MINK1: variants seen among roughly 807,000 people sequenced by gnomAD.
MINK1 encodes the protein misshapen like kinase 1.
Under a neutral mutation model 178.4 loss-of-function variants are expected in MINK1, and 46 were observed. The ratio of observed to expected loss-of-function variants is 0.26; its 90% CI spans 0.20 to 0.33. The LOEUF is 0.33. Ranked by LOEUF, MINK1 falls within the 10% of genes least tolerant of loss-of-function variation. The pLI is 1.00. For missense variants in MINK1, 1,366 were observed against 1,814.9 expected, an observed-to-expected ratio of 0.75 and a Z score of 4.49; for synonymous variants, 797 against 709.7, an observed-to-expected ratio of 1.12 and a Z score of -1.96.
intron 20 of MINK1, 160 bp downstream of exon 20, chr17:4,893,227 C>G: frequency 6.6e-7 from 1 of 1,524,612 alleles, no homozygotes; most frequent in Non-Finnish European, 8.8e-7. Flanking sequence ...CCTAACCTCT[C>G]TCCTAACCTC....
At chr17:4,866,294 C>T (rs556941046) in intron 1 of MINK1, among the ~76,000 whole-genome samples, 14 of 151,828 alleles carry the variant, frequency 9.2e-5, no homozygotes, top group East Asian at 3.9e-4. Flanking sequence ...GGTGAAACCC[C>T]GTCTCTACTA....
At chr17:4,857,196 A>G (rs1913294361) in intron 1 of MINK1, 1 of 316,454 alleles carries the variant, frequency 3.2e-6, no homozygotes. Flanking sequence ...GATACCAGCC[A>G]TGACCACTGG....
rs1007804507 is a variant in MINK1, at chr17:4,896,147, C to T, written c.3465+44C>T. 33 of 1,605,790 alleles carry T rather than the reference C, an allele frequency of 2.1e-5. No homozygotes were observed. Among genetic ancestry groups the T allele is most frequent in the Non-Finnish European group, 2.7e-5 (32 of 1,175,860 alleles). The stretch of plus-strand genomic sequence containing the variant: ...CCTAACACCATCTGGAGTCCCAGCG[C>T]CTCTCCCCGTGCCCCTGAGCCCTCC... On this transcript the variant is annotated intron_variant, in intron 28 of 31. Coordinates refer to ENST00000355280, the MANE Select transcript of MINK1 (RefSeq NM_153827.5). The surrounding 1 kb of genome is among the most constrained non-coding windows in gnomAD (Gnocchi z 4.6).
In MINK1 at chr17:4,881,015, C is replaced by A; in HGVS notation, c.155C>A (p.Ala52Asp). Residue 52 changes from alanine to aspartate, a missense_variant, in exon 3 of 32, where the codon GCC becomes GAC. Transcript: ENST00000355280. ...CATGTCAAGACGGGGCAGCTGGCTGCCATCAAGGTCATGGATGTCACGGAG... is the reference window on the plus strand; with the variant it reads ...CATGTCAAGACGGGGCAGCTGGCTGACATCAAGGTCATGGATGTCACGGAG... ...GRHVKTGQLA[A>D]IKVMDVTEDE... 1 of 1,528,294 alleles carries A rather than the reference C, an allele frequency of 6.5e-7. No individual in the cohort carries two copies. Among genetic ancestry groups the A allele is most frequent in the South Asian group, 1.2e-5 (1 of 82,430 alleles). The allele number at this position is 1,528,294 out of a possible 1,614,324, so 94.7% of individuals were successfully genotyped here.
chr17:4,893,588 C>T lies in MINK1; in HGVS notation c.2555C>T (p.Pro852Leu). ...GGPAEGSRDT[P>L]GGRSDGDTDS... is the part of the protein sequence containing the mutation. Reference sequence around the variant, plus strand: ...CCAGCAGAGGGGAGCAGAGATACCCCTGGGGGCCGGTACGGCATCGGGAGT... The same window carrying T: ...CCAGCAGAGGGGAGCAGAGATACCCTTGGGGGCCGGTACGGCATCGGGAGT... Residue 852 changes from proline to leucine, a missense_variant, in exon 21 of 32, where the codon CCT becomes CTT. By Grantham distance (98) the Pro-to-Leu change is moderately conservative. Coordinates refer to ENST00000355280, the MANE Select transcript of MINK1 (RefSeq NM_153827.5). 2 of 1,541,898 alleles carry T rather than the reference C, an allele frequency of 1.3e-6. No homozygotes were observed. Among genetic ancestry groups the T allele is most frequent in the Non-Finnish European group, 1.8e-6 (2 of 1,141,006 alleles).
chr17:4,849,565 C>T lies in MINK1; in HGVS notation c.57+15925C>T, dbSNP rs866687532. 3.9e-5 allele frequency among the ~76,000 whole-genome samples: 6 copies of T among 152,090 alleles called. No homozygotes were observed. The South Asian group carries it at 1.2e-3, about 32-fold the overall frequency. Reference sequence around the variant, plus strand: ...GCTAACTCTTGCCTGTCCCTGTGGTCTCAGCGTGTTTTGTTTGTTTGTTTG... The same window carrying T: ...GCTAACTCTTGCCTGTCCCTGTGGTTTCAGCGTGTTTTGTTTGTTTGTTTG... On this transcript the variant is annotated intron_variant, in intron 1 of 31. Coordinates refer to ENST00000355280, the MANE Select transcript of MINK1 (RefSeq NM_153827.5).
intron 1 of MINK1, among the ~76,000 whole-genome samples, chr17:4,866,142 T>G (rs1443407304): frequency 6.6e-6 from 1 of 152,178 alleles, no homozygotes; most frequent in Admixed American, 6.5e-5. Context: ...GGCAGCCTCA[T>G]GGAGTGTGGA....
At chr17:4,856,380 C>T (rs1386895207) in intron 1 of MINK1, among the ~76,000 whole-genome samples, 2 of 151,996 alleles carry the variant, frequency 1.3e-5, no homozygotes, top group Non-Finnish European at 2.9e-5. Flanking sequence ...CTGCCACTTC[C>T]CTGTCTCCAG....
chr17:4,835,970 G>A (rs1026796556), intron 1 of MINK1, among the ~76,000 whole-genome samples: 12 of 152,084 alleles, frequency 7.9e-5, no homozygotes, highest in African/African-American at 2.9e-4. Flanking sequence ...ACCCTAAAAT[G>A]CAAGGGCTTG....
Position 4,890,504 on chromosome 17 carries a change from C to A in MINK1, c.1348-13C>A. The stretch of plus-strand genomic sequence containing the variant: ...CACCCTGCTGAGCCCTCTCTCCCTA[C>A]CCTTGGGCCCAGGAATACAAGCGGA... On this transcript the variant is annotated splice_polypyrimidine_tract_variant and intron_variant, in intron 13 of 31. Coordinates refer to ENST00000355280, the MANE Select transcript of MINK1 (RefSeq NM_153827.5). The A allele has an allele frequency of 6.3e-7, 1 of 1,579,306 alleles. No homozygotes were observed. Among genetic ancestry groups the A allele is most frequent in the Non-Finnish European group, 8.6e-7 (1 of 1,163,306 alleles).
chr17:4,893,675 C>G (rs1969115067), intron 21 of MINK1, 78 bp downstream of exon 21: 2 of 1,463,954 alleles, frequency 1.4e-6, no homozygotes, highest in Non-Finnish European at 1.8e-6. Context: ...AGAGGTGGGG[C>G]TTTGGGGCAA....
At chr17:4,847,688 AGGT>A (rs1388309530) in intron 1 of MINK1, among the ~76,000 whole-genome samples, 1 of 152,174 alleles carries the variant, frequency 6.6e-6, no homozygotes. Flanking sequence ...TGCATGTATG[AGGT>A]GGTGACTGTG....
intron 1 of MINK1, among the ~76,000 whole-genome samples, chr17:4,855,458 C>CCTG (rs1912906166): frequency 7.4e-6 from 1 of 135,282 alleles, no homozygotes; most frequent in Non-Finnish European, 1.5e-5. Flanking sequence ...TGCACTCCAG[C>CCTG]CTGGGCGACA....
At chr17:4,867,021 CG>C (rs1203424851) in intron 1 of MINK1, among the ~76,000 whole-genome samples, 2 of 149,092 alleles carry the variant, frequency 1.3e-5, no homozygotes, top group Non-Finnish European at 3.0e-5. Flanking sequence ...TGTAGTGAAC[CG>C]GGACCGTGCC....
chr17:4,841,326 G>A (rs1044229191), intron 1 of MINK1, among the ~76,000 whole-genome samples: 4 of 152,126 alleles, frequency 2.6e-5, no homozygotes, highest in Admixed American at 1.3e-4. Context: ...TTCTCACACC[G>A]TCTTGTTCCA....
intron 4 of MINK1, among the ~76,000 whole-genome samples, chr17:4,883,479 C>T (rs1967907599): frequency 1.3e-5 from 2 of 151,810 alleles, no homozygotes; most frequent in Admixed American, 1.3e-4. Context: ...GCTAGGATTA[C>T]AGGCATGAGC....
In MINK1 at chr17:4,887,630, G is replaced by A. The variant is rs1195658619; in HGVS notation, c.1070G>A (p.Arg357Gln). The A allele has an allele frequency of 1.3e-6, 2 of 1,566,964 alleles. No homozygotes were observed. The highest frequency in any genetic ancestry group is 1.7e-6 in the Non-Finnish European group (2 of 1,158,468). Residue 357 changes from arginine to glutamine, a missense_variant, in exon 12 of 32, where the codon CGG (arginine) becomes CAG (glutamine). Transcript: ENST00000355280. This position sits in a 1 kb window ranked among gnomAD's most constrained non-coding sequence, Gnocchi z 7.6. ...GESTLRREFLRLQQENKSNSE... is the reference protein window; with the variant it reads ...GESTLRREFLQLQQENKSNSE... ...TCGACTCTACGCCGGGAGTTTCTCC[G>A]GCTCCAGCAGGAAAATAAGAGCAAC...
At chr17:4,868,862 A>G (rs1292328869) in intron 1 of MINK1, 1 of 327,558 alleles carries the variant, frequency 3.1e-6, no homozygotes, top group Non-Finnish European at 6.3e-6. Context: ...CAGTCCTCCC[A>G]CCTCAGCCTC....
rs1033262366 is a variant in MINK1, at chr17:4,889,890, C to G, written c.1347+127C>G. ...ATTCCTCCTATCTTTTCTAGCTTCA[C>G]TCTTTCTCTCTGTTTTCTCCCACCC... On this transcript the variant is annotated intron_variant, in intron 13 of 31. Coordinates refer to ENST00000355280, the MANE Select transcript of MINK1 (RefSeq NM_153827.5). 32 of 690,416 alleles carry G rather than the reference C, an allele frequency of 4.6e-5. No homozygotes were observed. In the Admixed American group the frequency reaches 7.1e-4, roughly 15 times the overall value. The allele number at this position is 690,416 out of a possible 1,614,324, so 42.8% of individuals were successfully genotyped here. A position where few individuals can be genotyped will look rare whatever the true frequency, so the allele number is the denominator to read the frequency against.
Sources: allele counts gnomAD v4.1 joint callset (sites outside exome capture counted in the v4.1 genomes callset), GRCh38; gene constraint gnomAD v4.1.1; non-coding constraint Gnocchi (gnomAD v3.1); transcripts MANE v1.5; gene names NCBI Gene and HGNC (gene_info 2026-07-23, HGNC 2026-07-21).